ASTN2: variants seen among roughly 807,000 people sequenced by gnomAD.
The protein encoded by ASTN2 is astrotactin-2.
Under a neutral mutation model 139.8 loss-of-function variants are expected in ASTN2, and 54 were observed. That is an observed-to-expected ratio of 0.39 (90% CI 0.31 to 0.48). ASTN2 has a LOEUF of 0.48. ASTN2 is among the 20% of genes least tolerant of loss of function. ASTN2 has a pLI of 0.95. For synonymous variants in ASTN2, 756 were observed against 719.5 expected (o/e 1.05, Z -0.81); for missense variants, 1,565 against 1,725.1 (o/e 0.91, Z 1.64).
chr9:117,338,107 C>T (rs1410333596), intron 1 of ASTN2, among the ~76,000 whole-genome samples: 1 of 152,208 alleles, frequency 6.6e-6, no homozygotes, highest in African/African-American at 2.4e-5. Flanking sequence ...ATCCTCTCAT[C>T]CTCACGGACA....
intron 16 of ASTN2, among the ~76,000 whole-genome samples, chr9:116,661,062 G>A (rs1858528562): frequency 6.6e-6 from 1 of 152,112 alleles, no homozygotes; most frequent in African/African-American, 2.4e-5. Flanking sequence ...TTCTGAGGCA[G>A]GTCATACTCT....
intron 7 of ASTN2, among the ~76,000 whole-genome samples, chr9:117,000,584 G>T (rs1025651489): frequency 6.6e-6 from 1 of 152,166 alleles, no homozygotes; most frequent in African/African-American, 2.4e-5. Flanking sequence ...GTGTGGTGTT[G>T]CATTTTACTG....
intron 1 of ASTN2, among the ~76,000 whole-genome samples, chr9:117,318,642 C>T (rs1587942754): frequency 6.6e-6 from 1 of 152,150 alleles, no homozygotes; most frequent in African/African-American, 2.4e-5. Flanking sequence ...CACAGTCAGA[C>T]TCAAGGTACA....
Position 116,815,002 on chromosome 9 carries a change from G to A in ASTN2, c.2207+5615C>T, listed in dbSNP as rs143859690. The stretch of plus-strand genomic sequence containing the variant: ...TGGCATGAAAGTATTCTATGTTAAC[G>A]ATTAGAAGTAAAATTCACGTTCTCC... On this transcript the variant is annotated intron_variant, in intron 12 of 22. Transcript: ENST00000313400. Among the ~76,000 whole-genome samples the A allele has an allele frequency of 8.7e-4, 133 of 152,284 alleles. 1 individual carries two copies. The highest frequency in any genetic ancestry group is 3.2e-3 in the African/African-American group (132 of 41,578).
At chr9:116,685,464 G>A (rs1453432878) in intron 16 of ASTN2, among the ~76,000 whole-genome samples, 1 of 152,172 alleles carries the variant, frequency 6.6e-6, no homozygotes, top group Non-Finnish European at 1.5e-5. Context: ...GCTCTGTCTA[G>A]GCAGTGGGCA....
At chr9:117,027,491 T>C (rs1838121377) in intron 6 of ASTN2, among the ~76,000 whole-genome samples, 1 of 152,194 alleles carries the variant, frequency 6.6e-6, no homozygotes, top group Non-Finnish European at 1.5e-5. Context: ...TACCTGCTCC[T>C]GCCACACCTT....
chr9:116,834,362 GTTC>G (rs1229288671), intron 11 of ASTN2, among the ~76,000 whole-genome samples: 1 of 152,124 alleles, frequency 6.6e-6, no homozygotes, highest in Non-Finnish European at 1.5e-5. Context: ...CTCCTGTCTA[GTTC>G]TTCTATCGGT....
At chr9:116,498,339 C>A (rs937049646) in intron 19 of ASTN2, among the ~76,000 whole-genome samples, 1 of 152,048 alleles carries the variant, frequency 6.6e-6, no homozygotes, top group Non-Finnish European at 1.5e-5. Context: ...AATCCCAGTT[C>A]TTGGGGAAGC....
intron 3 of ASTN2, among the ~76,000 whole-genome samples, chr9:117,167,913 T>C (rs140145226): frequency 3.5e-4 from 53 of 152,246 alleles, no homozygotes; most frequent in Non-Finnish European, 6.2e-4. Flanking sequence ...CAATGTTTTA[T>C]AGCCATGGAG....
At chr9:117,388,455 T>C (rs16905585) in intron 1 of ASTN2, among the ~76,000 whole-genome samples, 27,463 of 152,180 alleles carry the variant, frequency 0.18, 2,879 homozygotes, top group East Asian at 0.43. Context: ...TTCATCCTAG[T>C]GGGAGTGCTC....
intron 6 of ASTN2, among the ~76,000 whole-genome samples, chr9:117,016,781 T>C (rs1837722777): frequency 1.3e-5 from 1 of 79,812 alleles, no homozygotes; most frequent in South Asian, 3.9e-4. Flanking sequence ...AGGTTTTATA[T>C]ATATAGGTTA....
intron 12 of ASTN2, among the ~76,000 whole-genome samples, chr9:116,815,531 C>T (rs557179404): frequency 2.6e-5 from 4 of 152,072 alleles, no homozygotes; most frequent in Admixed American, 6.6e-5. Flanking sequence ...TGAGGCCGGG[C>T]GCGGTGGCTC....
chr9:116,951,583 G>C (rs1017434001), intron 10 of ASTN2, among the ~76,000 whole-genome samples: 1 of 152,074 alleles, frequency 6.6e-6, no homozygotes, highest in Non-Finnish European at 1.5e-5. Flanking sequence ...TCAGGGTCAG[G>C]CAGAGAGATT....
intron 17 of ASTN2, 59 bp downstream of exon 17, chr9:116,651,469 G>C (rs1432557311): frequency 2.5e-6 from 4 of 1,578,314 alleles, no homozygotes; most frequent in African/African-American, 1.3e-5. Flanking sequence ...GGGTCCACAA[G>C]GGTAGGAGGT....
intron 13 of ASTN2, among the ~76,000 whole-genome samples, chr9:116,795,664 C>T (rs571568145): frequency 1.3e-5 from 2 of 152,288 alleles, no homozygotes; most frequent in African/African-American, 4.8e-5. Flanking sequence ...GAGGATAACC[C>T]TGGCTCCAGT....
At chr9:117,381,201 G>A (rs1455685119) in intron 1 of ASTN2, among the ~76,000 whole-genome samples, 2 of 152,194 alleles carry the variant, frequency 1.3e-5, no homozygotes, top group African/African-American at 4.8e-5. Flanking sequence ...TGAAGAGACA[G>A]AAAATAGATT....
intron 16 of ASTN2, among the ~76,000 whole-genome samples, chr9:116,655,697 T>C (rs1424402605): frequency 6.6e-6 from 1 of 151,992 alleles, no homozygotes; most frequent in African/African-American, 2.4e-5. Context: ...TACACCAAGA[T>C]TTTTTTTATA....
intron 11 of ASTN2, among the ~76,000 whole-genome samples, chr9:116,844,381 A>C (rs1449602156): frequency 3.3e-5 from 5 of 152,218 alleles, no homozygotes; most frequent in Non-Finnish European, 1.5e-5. Flanking sequence ...ACTGTAATAC[A>C]CACAGCTTCC....
At chr9:116,986,174 C>T (rs1836676527) in intron 7 of ASTN2, among the ~76,000 whole-genome samples, 1 of 144,880 alleles carries the variant, frequency 6.9e-6, no homozygotes, top group South Asian at 2.4e-4. Flanking sequence ...CCCCCCACCC[C>T]CCTGCAGTCA....
Sources: gnomAD v4.1 joint callset for allele counts (sites outside exome capture counted in the v4.1 genomes callset) on GRCh38, gnomAD v4.1.1 for gene constraint, MANE v1.5 for transcripts, NCBI Gene and HGNC (gene_info 2026-07-23, HGNC 2026-07-21) for gene names.